The following PIK3CB variants were observed in gnomAD, a reference collection of about 807,000 sequenced individuals.
The protein encoded by PIK3CB is phosphatidylinositol-4,5-bisphosphate 3-kinase catalytic subunit beta, also known as phosphatidylinositol 4,5-bisphosphate 3-kinase catalytic subunit beta isoform.
Under a neutral mutation model 136.8 loss-of-function variants are expected in PIK3CB, and 39 were observed. The ratio of observed to expected loss-of-function variants is 0.29; its 90% CI spans 0.22 to 0.37. The LOEUF (loss-of-function observed/expected upper bound fraction) is 0.37. PIK3CB is among the 10% of genes least tolerant of loss of function. PIK3CB has a pLI of 1.00. For missense variants in PIK3CB, 868 were observed against 1,275.4 expected (o/e 0.68, Z 4.87); for synonymous variants, 428 against 436.6 (o/e 0.98, Z 0.25).
intron 6 of PIK3CB, among the ~76,000 whole-genome samples, chr3:138,735,518 T>C (rs1161305634): frequency 6.6e-6 from 1 of 152,194 alleles, no homozygotes; most frequent in Non-Finnish European, 1.5e-5. Flanking sequence ...GTGGTTCGCA[T>C]GTGGCAGATT....
At chr3:138,694,307 C>T (rs947437607) in intron 14 of PIK3CB, among the ~76,000 whole-genome samples, 4 of 151,966 alleles carry the variant, frequency 2.6e-5, no homozygotes, top group African/African-American at 4.8e-5. Flanking sequence ...CCGTAAAAAC[C>T]GTGGCCACGA....
intron 1 of PIK3CB, among the ~76,000 whole-genome samples, chr3:138,805,412 T>C (rs2046222021): frequency 6.6e-6 from 1 of 151,884 alleles, no homozygotes; most frequent in Non-Finnish European, 1.5e-5. Context: ...GGCTCACGAC[T>C]GTAATCCAAG....
intron 20 of PIK3CB, 128 bp downstream of exon 20, chr3:138,664,908 C>A: frequency 1.9e-6 from 1 of 536,704 alleles, no homozygotes; most frequent in Non-Finnish European, 3.2e-6. Flanking sequence ...TTTGTTCTAA[C>A]AAGAAATGAA....
At chr3:138,683,386 G>A (rs981799085) in intron 18 of PIK3CB, among the ~76,000 whole-genome samples, 1 of 150,612 alleles carries the variant, frequency 6.6e-6, no homozygotes, top group African/African-American at 2.4e-5. Flanking sequence ...ATAATATCTT[G>A]TATTTCATAA....
intron 9 of PIK3CB, among the ~76,000 whole-genome samples, chr3:138,713,597 G>A (rs929606629): frequency 3.3e-5 from 5 of 152,032 alleles, no homozygotes; most frequent in African/African-American, 1.2e-4. Context: ...CTTGATCCCG[G>A]GAGGCGGAAG....
chr3:138,727,903 G>A (rs2044875292), intron 8 of PIK3CB, among the ~76,000 whole-genome samples: 2 of 151,890 alleles, frequency 1.3e-5, no homozygotes, highest in Admixed American at 1.3e-4. Flanking sequence ...TGCTGCCCAG[G>A]CTGGAGTGCA....
At chr3:138,694,159 C>A (rs1326310621) in intron 14 of PIK3CB, among the ~76,000 whole-genome samples, 1 of 151,310 alleles carries the variant, frequency 6.6e-6, no homozygotes, top group Non-Finnish European at 1.5e-5. Context: ...ATTCCCACCA[C>A]CCTCCCTAAT....
intron 16 of PIK3CB, among the ~76,000 whole-genome samples, chr3:138,685,900 A>G (rs2595930): frequency 0.59 from 90,086 of 151,946 alleles, 27,528 homozygotes; most frequent in East Asian, 0.98. Context: ...ACTTTGGGAA[A>G]CTGAGGCAAG....
chr3:138,755,637 G>C, intron 4 of PIK3CB, 117 bp downstream of exon 4: 1 of 563,448 alleles, frequency 1.8e-6, no homozygotes. Context: ...ACAATTTACA[G>C]ATCAGCAGTG....
chr3:138,665,726 G>A (rs1467183486), intron 19 of PIK3CB, among the ~76,000 whole-genome samples: 5 of 151,808 alleles, frequency 3.3e-5, no homozygotes, highest in South Asian at 2.1e-4. Context: ...GTGCCACCAC[G>A]CCGGGCTAAT....
At chr3:138,694,635 T>C (rs551275599) in intron 14 of PIK3CB, 151 bp downstream of exon 14, 4 of 733,204 alleles carry the variant, frequency 5.5e-6, no homozygotes, top group South Asian at 5.3e-5. Flanking sequence ...AAACATTGAG[T>C]TGGGGAGCTG....
At chr3:138,809,625 A>AC (rs2046272126) in intron 1 of PIK3CB, among the ~76,000 whole-genome samples, 2 of 151,168 alleles carry the variant, frequency 1.3e-5, no homozygotes, top group South Asian at 2.1e-4. Flanking sequence ...AAAAAAAAAA[A>AC]GAAAATTAAA....
At chr3:138,666,143 T>C (rs1213985951) in intron 19 of PIK3CB, among the ~76,000 whole-genome samples, 5 of 152,206 alleles carry the variant, frequency 3.3e-5, no homozygotes, top group African/African-American at 1.2e-4. Context: ...ATTTGATGCC[T>C]AGTAAAGATA....
At chr3:138,776,860 T>C (rs1474747278) in intron 2 of PIK3CB, among the ~76,000 whole-genome samples, 1 of 149,220 alleles carries the variant, frequency 6.7e-6, no homozygotes, top group African/African-American at 2.5e-5. Flanking sequence ...GAAGCGGACA[T>C]TGCAGTGAGC....
intron 2 of PIK3CB, among the ~76,000 whole-genome samples, chr3:138,795,669 A>T (rs1333182925): frequency 6.6e-6 from 1 of 152,172 alleles, no homozygotes; most frequent in Non-Finnish European, 1.5e-5. Flanking sequence ...TAATTGATCT[A>T]TAGGAGATTT....
intron 20 of PIK3CB, among the ~76,000 whole-genome samples, chr3:138,664,380 C>T (rs891344606): frequency 2.0e-5 from 3 of 152,056 alleles, no homozygotes; most frequent in African/African-American, 7.2e-5. Context: ...TAGTTTTGAC[C>T]AAAGACTGAC....
At chr3:138,707,587 C>T (rs2044406004) in intron 10 of PIK3CB, 1 of 1,098,386 alleles carries the variant, frequency 9.1e-7, no homozygotes, top group Admixed American at 5.3e-5. Context: ...ACTGCTCTCT[C>T]TCCATCAAAA....
chr3:138,815,162 A>AAATATATAT (rs1553743711), intron 1 of PIK3CB, among the ~76,000 whole-genome samples: 1 of 62,476 alleles, frequency 1.6e-5, no homozygotes, highest in Admixed American at 2.0e-4. Context: ...AAAAAAAAAA[A>AAATATATAT]ATATATATAT....
intron 8 of PIK3CB, among the ~76,000 whole-genome samples, chr3:138,714,934 G>A (rs1260326055): frequency 6.6e-6 from 1 of 152,158 alleles, no homozygotes; most frequent in Non-Finnish European, 1.5e-5. Context: ...TCAGTAAACC[G>A]TAGTTAGTCT....
Sources: gnomAD v4.1 joint callset for allele counts (sites outside exome capture counted in the v4.1 genomes callset) on GRCh38, gnomAD v4.1.1 for gene constraint, MANE v1.5 for transcripts, NCBI Gene and HGNC (gene_info 2026-07-23, HGNC 2026-07-21) for gene names.